NTM: variants seen among roughly 807,000 people sequenced by gnomAD.
NTM encodes the protein neurotrimin, also known as IgLON family member 2.
A neutral mutation model predicts 42.1 loss-of-function variants in NTM; 13 were observed. The observed-to-expected ratio is 0.31, with a 90% CI of 0.20 to 0.49. The LOEUF (loss-of-function observed/expected upper bound fraction) is 0.49. Ranked by LOEUF, NTM falls within the 20% of genes least tolerant of loss-of-function variation. NTM has a pLI of 0.99. For synonymous variants in NTM, 187 were observed against 179.2 expected (o/e 1.04, Z -0.35); for missense variants, 373 against 452.8 (o/e 0.82, Z 1.60).
At chr11:132,110,634 A>G (rs2063035968) in intron 2 of NTM, among the ~76,000 whole-genome samples, 1 of 152,224 alleles carries the variant, frequency 6.6e-6, no homozygotes, top group Admixed American at 6.5e-5. Flanking sequence ...ATTAAAATAT[A>G]CTGTTATTTC....
intron 1 of NTM, among the ~76,000 whole-genome samples, chr11:131,390,483 A>C (rs1159015524): frequency 1.3e-5 from 2 of 152,100 alleles, no homozygotes; most frequent in East Asian, 3.9e-4. Flanking sequence ...AAATAACCTG[A>C]GCACTTGGCC....
At chr11:132,101,615 G>A (rs988901145) in intron 2 of NTM, among the ~76,000 whole-genome samples, 2 of 147,852 alleles carry the variant, frequency 1.4e-5, no homozygotes, top group South Asian at 2.2e-4. Flanking sequence ...TATCTATGAT[G>A]TAACCTGTTC....
At chr11:131,684,273 G>C (rs2134893940) in intron 1 of NTM, among the ~76,000 whole-genome samples, 1 of 152,290 alleles carries the variant, frequency 6.6e-6, no homozygotes. Context: ...CTGCCAACCT[G>C]ACCACAGCGA....
intron 1 of NTM, among the ~76,000 whole-genome samples, chr11:131,748,945 G>A (rs2082155851): frequency 6.6e-6 from 1 of 152,162 alleles, no homozygotes; most frequent in African/African-American, 2.4e-5. Flanking sequence ...CCTTTCTCTT[G>A]GGTGTACCTC....
At chr11:131,401,537 G>T (rs969730933) in intron 1 of NTM, among the ~76,000 whole-genome samples, 1 of 151,556 alleles carries the variant, frequency 6.6e-6, no homozygotes, top group Non-Finnish European at 1.5e-5. Flanking sequence ...ACTCAGTAAA[G>T]ACATGATTTT....
chr11:132,121,782 ATAACT>A (rs1318266987), intron 2 of NTM, among the ~76,000 whole-genome samples: 1 of 152,180 alleles, frequency 6.6e-6, no homozygotes, highest in Non-Finnish European at 1.5e-5. Flanking sequence ...TTCATGCATA[ATAACT>A]TAAGTGCATC....
intron 1 of NTM, among the ~76,000 whole-genome samples, chr11:131,670,533 G>A (rs536495955): frequency 1.5e-3 from 223 of 152,266 alleles, no homozygotes; most frequent in Admixed American, 2.5e-3. Flanking sequence ...GCAGGGCTCC[G>A]CTGGAGCTGG....
In NTM at chr11:132,002,187, G is replaced by A. The variant is rs1427195758; in HGVS notation, c.167+90539G>A. On this transcript the variant is annotated intron_variant, in intron 2 of 8. Coordinates refer to ENST00000683400, the MANE Select transcript of NTM (RefSeq NM_001352005.2). The surrounding 1 kb of genome is among the most constrained non-coding windows in gnomAD (Gnocchi z 4.5). The stretch of plus-strand genomic sequence containing the variant: ...TAAAGGTATTGGACTTTTCTCCATT[G>A]GCAACAGAGAGTCACTGAAGGTTTT... 2.6e-5 allele frequency among the ~76,000 whole-genome samples: 4 copies of A among 152,290 alleles called. No individual in the cohort carries two copies. The highest frequency in any genetic ancestry group is 4.4e-5 in the Non-Finnish European group (3 of 68,028).
chr11:131,646,993 A>G (rs1376873150), intron 1 of NTM, among the ~76,000 whole-genome samples: 1 of 152,220 alleles, frequency 6.6e-6, no homozygotes, highest in Non-Finnish European at 1.5e-5. Flanking sequence ...AAAAGGGGAG[A>G]TTAAAATAAT....
chr11:132,208,321 C>G (rs2082299146), intron 3 of NTM, among the ~76,000 whole-genome samples: 1 of 152,184 alleles, frequency 6.6e-6, no homozygotes, highest in Admixed American at 6.5e-5. Context: ...TAGGCATATG[C>G]CAATTTGTTT....
intron 2 of NTM, among the ~76,000 whole-genome samples, chr11:131,920,847 G>A (rs2057117747): frequency 6.6e-6 from 1 of 152,088 alleles, no homozygotes; most frequent in Admixed American, 6.5e-5. Context: ...GCTTTGTTGG[G>A]TTCATGGAGT....
chr11:131,487,826 G>C (rs73572305), intron 1 of NTM, among the ~76,000 whole-genome samples: 10,103 of 152,216 alleles, frequency 0.066, 1,115 homozygotes, highest in African/African-American at 0.23. Flanking sequence ...AGCTTGGAAG[G>C]CTTAAACACT....
At chr11:131,611,431 T>C (rs1226379928) in intron 1 of NTM, among the ~76,000 whole-genome samples, 6 of 152,188 alleles carry the variant, frequency 3.9e-5, no homozygotes, top group Non-Finnish European at 5.9e-5. Flanking sequence ...CATATGAACA[T>C]GAATGTGGTA....
At chr11:131,565,787 G>A (rs2056821119) in intron 1 of NTM, among the ~76,000 whole-genome samples, 1 of 152,128 alleles carries the variant, frequency 6.6e-6, no homozygotes, top group South Asian at 2.1e-4. Context: ...CTGGACCTGG[G>A]GCACCTCACT....
intron 7 of NTM, among the ~76,000 whole-genome samples, chr11:132,316,274 A>G (rs1177758147): frequency 2.6e-5 from 4 of 152,176 alleles, no homozygotes; most frequent in Non-Finnish European, 5.9e-5. Context: ...TTCTCGTAAG[A>G]GTTGAATAGA....
At chr11:132,313,869 T>A (rs998503894) in intron 6 of NTM, among the ~76,000 whole-genome samples, 38 of 152,238 alleles carry the variant, frequency 2.5e-4, no homozygotes, top group African/African-American at 6.7e-4. Context: ...AGGGAGACTG[T>A]CCTGGCTCTA....
chr11:131,939,372 T>C (rs2059560573), intron 2 of NTM, among the ~76,000 whole-genome samples: 1 of 148,332 alleles, frequency 6.7e-6, no homozygotes, highest in Non-Finnish European at 1.5e-5. Context: ...GATAAGATGA[T>C]AGCTTGAGGA....
intron 7 of NTM, among the ~76,000 whole-genome samples, chr11:132,317,112 C>T (rs1217949528): frequency 2.6e-5 from 4 of 152,150 alleles, no homozygotes; most frequent in East Asian, 1.9e-4. Flanking sequence ...TTAAGCCAAA[C>T]GGGAGCAGGT....
intron 2 of NTM, among the ~76,000 whole-genome samples, chr11:132,116,042 A>T (rs2063842472): frequency 6.6e-6 from 1 of 152,164 alleles, no homozygotes; most frequent in Non-Finnish European, 1.5e-5. Flanking sequence ...CGTCTCTCTG[A>T]GCATTTCTCC....
Sources: gnomAD v4.1 joint callset for allele counts (sites outside exome capture counted in the v4.1 genomes callset) on GRCh38, gnomAD v4.1.1 for gene constraint, Gnocchi (gnomAD v3.1) non-coding constraint, MANE v1.5 for transcripts, NCBI Gene and HGNC (gene_info 2026-07-23, HGNC 2026-07-21) for gene names.